HIPK3: variants seen among roughly 807,000 people sequenced by gnomAD.
HIPK3 encodes the protein homeodomain-interacting protein kinase 3.
A neutral mutation model predicts 124.2 loss-of-function variants in HIPK3; 47 were observed. That is an observed-to-expected ratio of 0.38 (90% confidence interval 0.30 to 0.48). The LOEUF is 0.48. Among genes scored for constraint, HIPK3 ranks in the 20% least tolerant of loss-of-function variants. The probability of loss-of-function intolerance (pLI) is 0.98; values close to 1 mark genes in which losing one functional copy is unlikely to be tolerated. For missense variants in HIPK3, 1,286 were observed against 1,454.3 expected, an observed-to-expected ratio of 0.88 and a Z score of 1.88; for synonymous variants, 482 against 515.2, an observed-to-expected ratio of 0.94 and a Z score of 0.87.
chr11:33,339,145 ACTT>A (rs1266600303), intron 5 of HIPK3, among the ~76,000 whole-genome samples: 1 of 152,138 alleles, frequency 6.6e-6, no homozygotes, highest in African/African-American at 2.4e-5. Context: ...ATTTTTAAAA[ACTT>A]CTTTTATGCT....
intron 8 of HIPK3, among the ~76,000 whole-genome samples, chr11:33,342,840 C>G (rs1349618111): frequency 6.6e-6 from 1 of 152,210 alleles, no homozygotes; most frequent in Non-Finnish European, 1.5e-5. Flanking sequence ...GCCACCATAC[C>G]TGGCTGGCTA....
chr11:33,348,871 G>C, intron 13 of HIPK3, 53 bp downstream of exon 13: 1 of 1,505,404 alleles, frequency 6.6e-7, no homozygotes, highest in Non-Finnish European at 9.0e-7. Flanking sequence ...CCTTTGGTGT[G>C]CCGAAAAACA....
chr11:33,299,388 CT>C (rs1446709842), intron 2 of HIPK3, among the ~76,000 whole-genome samples: 7 of 151,834 alleles, frequency 4.6e-5, no homozygotes, highest in African/African-American at 1.7e-4. Context: ...AGGAGAATCG[CT>C]GGAACCTGGG....
In HIPK3 at chr11:33,338,657, A is replaced by G. The variant is rs185305513; in HGVS notation, c.1342-100A>G. 5 of 586,980 alleles carry G rather than the reference A, an allele frequency of 8.5e-6. No homozygotes were observed. In the East Asian group the frequency reaches 1.6e-4, roughly 19 times the overall value. 36.4% of individuals were successfully genotyped at this position (586,980 alleles called of 1,614,324 possible). The stretch of plus-strand genomic sequence containing the variant: ...TTTTGATAGTGTCTCTTTTGAAATT[A>G]CTATTTGCCTTAGAATATTTAATAT... On this transcript the variant is annotated intron_variant, in intron 4 of 16. Transcript: ENST00000303296.
At chr11:33,337,696 CAA>C (rs1565092958) in intron 4 of HIPK3, among the ~76,000 whole-genome samples, 1 of 146,050 alleles carries the variant, frequency 6.8e-6, no homozygotes, top group African/African-American at 2.5e-5. Context: ...TTTTTTGAGA[CAA>C]AGTCTTGCTC....
At chr11:33,351,362 A>G (rs1019705012) in intron 14 of HIPK3, among the ~76,000 whole-genome samples, 3 of 150,174 alleles carry the variant, frequency 2.0e-5, no homozygotes, top group South Asian at 2.1e-4. Flanking sequence ...GGGAAAGAAG[A>G]AAAAAAAAAT....
At chr11:33,295,463 A>G (rs1422411066) in intron 2 of HIPK3, among the ~76,000 whole-genome samples, 2 of 152,220 alleles carry the variant, frequency 1.3e-5, no homozygotes, top group East Asian at 1.9e-4. Flanking sequence ...AGGCCTCGCA[A>G]TAAAACGTGA....
Position 33,341,088 on chromosome 11 carries a change from G to T in HIPK3, c.1734G>T (p.Leu578=). 1 of 1,599,016 alleles carries T rather than the reference G, an allele frequency of 6.3e-7. No individual in the cohort carries two copies. The highest frequency in any genetic ancestry group is 1.1e-5 in the South Asian group (1 of 87,020). ...TTGCTTCAAGCAGTACTGCTACACT[G>T]ACTGCAAATTTTACTAAAATCGGAA... The part of the protein sequence containing the change: ...RPVASSSTAT[L]TANFTKIGTL... Residue 578 remains leucine, a synonymous_variant, in exon 7 of 17, where the codon CTG becomes CTT. Coordinates refer to ENST00000303296, the MANE Select transcript of HIPK3 (RefSeq NM_005734.5).
At chr11:33,301,923 T>C (rs1239806407) in intron 2 of HIPK3, among the ~76,000 whole-genome samples, 3 of 151,964 alleles carry the variant, frequency 2.0e-5, no homozygotes, top group Non-Finnish European at 4.4e-5. Flanking sequence ...ATATTTTAGA[T>C]AGGTCTCTTA....
In HIPK3 at chr11:33,342,542, CTTT is replaced by C. The variant is rs371154303; in HGVS notation, c.1897+872_1897+874del. 2.8e-3 allele frequency among the ~76,000 whole-genome samples: 374 copies of C among 135,938 alleles called. 2 individuals carry two copies. Among genetic ancestry groups the C allele is most frequent in the African/African-American group, 2.9e-3 (108 of 36,752 alleles). The allele number at this position is 135,938 out of a possible 152,430, so 89.2% of individuals were successfully genotyped here. A position where few individuals can be genotyped will look rare whatever the true frequency, so the allele number is the denominator to read the frequency against. ...AATACCTTTGAAGAGGCTATACATTCTTTTTTTTTTTTTTTTTTGAGACAGAGT... is the reference window on the plus strand; with the variant it reads ...AATACCTTTGAAGAGGCTATACATTCTTTTTTTTTTTTTTTGAGACAGAGT... On this transcript the variant is annotated intron_variant, in intron 8 of 16. Transcript: ENST00000303296.
intron 8 of HIPK3, among the ~76,000 whole-genome samples, chr11:33,345,367 CTT>C (rs1216180641): frequency 6.6e-6 from 1 of 152,092 alleles, no homozygotes; most frequent in African/African-American, 2.4e-5. Flanking sequence ...CTTTTTATGT[CTT>C]GTCTTCCAAG....
At chr11:33,322,636 G>C (rs1852698335) in intron 2 of HIPK3, among the ~76,000 whole-genome samples, 1 of 152,086 alleles carries the variant, frequency 6.6e-6, no homozygotes, top group African/African-American at 2.4e-5. Flanking sequence ...GACCAGCCTG[G>C]CCAATGTGGC....
At chr11:33,293,433 C>A (rs1403227848) in intron 2 of HIPK3, among the ~76,000 whole-genome samples, 1 of 152,134 alleles carries the variant, frequency 6.6e-6, no homozygotes, top group Non-Finnish European at 1.5e-5. Context: ...GTCTGCCCAT[C>A]ACCCCCAGCC....
At chr11:33,265,455 A>G (rs986106236) in intron 1 of HIPK3, among the ~76,000 whole-genome samples, 7 of 152,212 alleles carry the variant, frequency 4.6e-5, no homozygotes, top group African/African-American at 1.7e-4. Context: ...ATGACGGGTA[A>G]TGATAAAATA....
intron 6 of HIPK3, among the ~76,000 whole-genome samples, chr11:33,340,689 G>A (rs532891361): frequency 3.1e-5 from 4 of 127,812 alleles, no homozygotes; most frequent in Non-Finnish European, 5.2e-5. Context: ...AAAGTTTTTC[G>A]TGTAGGGGAT....
chr11:33,269,842 T>C (rs911906180), intron 1 of HIPK3, among the ~76,000 whole-genome samples: 11 of 152,142 alleles, frequency 7.2e-5, no homozygotes, highest in African/African-American at 2.4e-4. Flanking sequence ...ACCCATATTT[T>C]GAACCTCCTA....
chr11:33,281,533 G>T (rs1238991341), intron 1 of HIPK3, among the ~76,000 whole-genome samples: 1 of 152,128 alleles, frequency 6.6e-6, no homozygotes, highest in African/African-American at 2.4e-5. Context: ...GGTGATACAT[G>T]TATGTAGTAA....
Position 33,347,275 on chromosome 11 carries a change from A to T in HIPK3, c.1898-18A>T. The T allele has an allele frequency of 8.1e-6, 13 of 1,596,120 alleles. No homozygotes were observed. Among genetic ancestry groups the T allele is most frequent in the Non-Finnish European group, 1.1e-5 (13 of 1,170,442 alleles). On this transcript the variant is annotated intron_variant, in intron 8 of 16. Coordinates refer to ENST00000303296, the MANE Select transcript of HIPK3 (RefSeq NM_005734.5). ...AGGAAGATTTTTTCTTTTATTTGAT[A>T]ACTATTCTGTTTCACAGGTATTCCT...
chr11:33,321,634 T>C (rs1047195469), intron 2 of HIPK3, among the ~76,000 whole-genome samples: 3 of 152,134 alleles, frequency 2.0e-5, no homozygotes, highest in African/African-American at 7.2e-5. Flanking sequence ...TAAAGTAGAA[T>C]ACAAGGACAA....
Sources: gnomAD v4.1 joint callset for allele counts (sites outside exome capture counted in the v4.1 genomes callset) on GRCh38, gnomAD v4.1.1 for gene constraint, MANE v1.5 for transcripts, NCBI Gene and HGNC (gene_info 2026-07-23, HGNC 2026-07-21) for gene names.